EIF2S3: variants seen among roughly 807,000 people sequenced by gnomAD.
EIF2S3 encodes eukaryotic translation initiation factor 2 subunit 3.
In EIF2S3, 2 loss-of-function variants were observed where a neutral mutation model predicts 31.7. The ratio of observed to expected loss-of-function variants is 0.06; its 90% CI spans 0.03 to 0.20. The LOEUF is 0.20. EIF2S3 is among the 10% of genes least tolerant of loss of function. The probability of loss-of-function intolerance (pLI) is 1.00; values close to 1 mark genes in which losing one functional copy is unlikely to be tolerated. For synonymous variants in EIF2S3, 120 were observed against 126.7 expected (o/e 0.95, Z 0.36); for missense variants, 96 against 359.3 (o/e 0.27, Z 5.92).
chrX:24,055,577 G>T, intron 1 of EIF2S3, 38 bp from the exon 2 acceptor site: 1 of 1,185,097 alleles, frequency 8.4e-7, no homozygotes, highest in Non-Finnish European at 1.1e-6. Context: ...GTTCTCATTT[G>T]TTTTACGTGC....
At chrX:24,062,926 T>G (rs1048036662) in intron 6 of EIF2S3, among the ~76,000 whole-genome samples, 1 of 112,070 alleles carries the variant, frequency 8.9e-6, no homozygotes, top group Non-Finnish European at 1.9e-5. Flanking sequence ...CTTTCAGATT[T>G]GGAAGTGACA....
chrX:24,074,862 CTTTTT>C (rs758813480), intron 11 of EIF2S3, among the ~76,000 whole-genome samples: 14 of 47,473 alleles, frequency 2.9e-4, no homozygotes, highest in East Asian at 5.4e-4. Context: ...TTTTCTTCTT[CTTTTT>C]TTTTTTTTTT....
intron 2 of EIF2S3, among the ~76,000 whole-genome samples, chrX:24,057,097 C>G (rs1299868825): frequency 8.9e-6 from 1 of 112,640 alleles, no homozygotes; most frequent in Non-Finnish European, 1.9e-5. Context: ...GTGGCACGAT[C>G]TCGGCTCACT....
At chrX:24,062,209 A>G (rs1472815173) in intron 5 of EIF2S3, among the ~76,000 whole-genome samples, 3 of 110,662 alleles carry the variant, frequency 2.7e-5, no homozygotes, top group African/African-American at 9.9e-5. Context: ...TTGTCATTTC[A>G]CCACTATCTA....
Position 24,076,533 on chromosome X carries a change from G to GA in EIF2S3, c.1356-183dup, listed in dbSNP as rs772479099. Among the ~76,000 whole-genome samples the GA allele has an allele frequency of 1.6e-4, 18 of 111,767 alleles. No individual in the cohort carries two copies. In the East Asian group the frequency reaches 4.7e-3, roughly 29 times the overall value. ...TGGGTGACAGAGTGAGACTGTCTCA[G>GA]AAAAAACACACAAAAGCAAGAATAA... is the stretch of plus-strand genomic sequence containing the variant. On this transcript the variant is annotated intron_variant, in intron 11 of 11. Transcript: ENST00000253039.
rs1392018526 is a variant in EIF2S3, at chrX:24,074,542, GATGTAGC to G, written c.1355+1282_1355+1288del. On this transcript the variant is annotated intron_variant, in intron 11 of 11. Transcript: ENST00000253039. Reference sequence around the variant, plus strand: ...CTGATCATTGAATCCCACACCCCTGGATGTAGCATCCACTGATGATTCTTGCCTGAAT... The same window carrying G: ...CTGATCATTGAATCCCACACCCCTGGATCCACTGATGATTCTTGCCTGAAT... 3.6e-5 allele frequency among the ~76,000 whole-genome samples: 4 copies of G among 111,385 alleles called. No individual in the cohort carries two copies. In the Admixed American group the frequency reaches 3.9e-4, roughly 11 times the overall value.
chrX:24,071,684 G>T lies in EIF2S3; in HGVS notation c.1139G>T (p.Arg380Leu). Reference protein sequence around the residue: ...ELEISYFLLRRLLGVRTEGDK... With the variant: ...ELEISYFLLRLLLGVRTEGDK... ...GAAATTTCCTATTTCCTGCTTAGAC[G>T]GCTTCTAGGTGTACGCACTGAAGGA... Residue 380 changes from arginine (R) to leucine (L), a missense_variant, in exon 10 of 12, where the codon CGG becomes CTG. Around this residue, in one of 5 missense-constraint regions of EIF2S3, gnomAD observed 10 missense variants for 118.9 expected, o/e 0.08. Coordinates refer to ENST00000253039, the MANE Select transcript of EIF2S3 (RefSeq NM_001415.4). The T allele has an allele frequency of 8.3e-7, 1 of 1,210,783 alleles. No homozygotes were observed. The highest frequency in any genetic ancestry group is 1.1e-6 in the Non-Finnish European group (1 of 895,290).
At chrX:24,058,727 T>A (rs1488706253) in intron 4 of EIF2S3, among the ~76,000 whole-genome samples, 1 of 108,316 alleles carries the variant, frequency 9.2e-6, no homozygotes, top group Non-Finnish European at 1.9e-5. Flanking sequence ...TATTTATTTA[T>A]TTTTGAGACG....
At chrX:24,075,449 A>G (rs1930739807) in intron 11 of EIF2S3, among the ~76,000 whole-genome samples, 1 of 111,200 alleles carries the variant, frequency 9.0e-6, no homozygotes, top group Admixed American at 9.7e-5. Flanking sequence ...ATCACAGTCC[A>G]TACCACCATC....
intron 4 of EIF2S3, among the ~76,000 whole-genome samples, chrX:24,058,343 T>G (rs1165255173): frequency 9.0e-6 from 1 of 111,257 alleles, no homozygotes; most frequent in Non-Finnish European, 1.9e-5. Flanking sequence ...GATAAATATT[T>G]TAATGCAGTG....
At chrX:24,074,420 A>G (rs1930718530) in intron 11 of EIF2S3, among the ~76,000 whole-genome samples, 1 of 111,919 alleles carries the variant, frequency 8.9e-6, no homozygotes, top group Non-Finnish European at 1.9e-5. Context: ...TATGTAGTCA[A>G]GATGTTGTCC....
intron 2 of EIF2S3, among the ~76,000 whole-genome samples, chrX:24,056,810 G>C (rs1224878105): frequency 8.9e-6 from 1 of 111,997 alleles, no homozygotes; most frequent in African/African-American, 3.2e-5. Context: ...AGTGAGCTGT[G>C]ATCAGGGCAT....
chrX:24,066,133 T>TC (rs750441741), intron 8 of EIF2S3, 41 bp downstream of exon 8: 8 of 982,864 alleles, frequency 8.1e-6, no homozygotes, highest in Non-Finnish European at 8.3e-6. Context: ...GGTTTTTTTT[T>TC]TTTGTTGTTT....
At chrX:24,062,255 C>T (rs775747314) in intron 5 of EIF2S3, among the ~76,000 whole-genome samples, 161 bp from the exon 6 acceptor site, 43 of 110,985 alleles carry the variant, frequency 3.9e-4, no homozygotes, top group Middle Eastern at 9.2e-3. Context: ...TTTGTATCAC[C>T]GCAAAAGGAA....
chrX:24,058,131 C>G (rs992791673), intron 4 of EIF2S3, among the ~76,000 whole-genome samples: 1 of 111,910 alleles, frequency 8.9e-6, no homozygotes, highest in African/African-American at 3.2e-5. Context: ...CATCTGTTTT[C>G]TGAATATGAT....
intron 10 of EIF2S3, among the ~76,000 whole-genome samples, chrX:24,072,686 T>C (rs958325258): frequency 5.4e-5 from 6 of 111,208 alleles, no homozygotes; most frequent in Admixed American, 9.6e-5. Flanking sequence ...CATGCTTTTT[T>C]TTCCCCCCAC....
intron 8 of EIF2S3, 106 bp downstream of exon 8, chrX:24,066,198 T>C (rs892293255): frequency 1.8e-5 from 10 of 541,397 alleles, no homozygotes; most frequent in African/African-American, 4.8e-5. Flanking sequence ...ACAATCCAAA[T>C]TGAAAAATAA....
rs1258888671 is a variant in EIF2S3, at chrX:24,077,757, A to AT, written c.*979dup. Reference sequence around the variant, plus strand: ...CTCCCTCTCCCTGTGATGCCTTGAGATTTTTTTCTGCGTTGTTTAATGCCT... The same window carrying AT: ...CTCCCTCTCCCTGTGATGCCTTGAGATTTTTTTTCTGCGTTGTTTAATGCCT... On this transcript the variant is annotated 3_prime_UTR_variant, in exon 12 of 12. Transcript: ENST00000253039. 2.7e-5 allele frequency: 3 copies of AT among 111,532 alleles called. No individual in the cohort carries two copies. The highest frequency in any genetic ancestry group is 3.8e-5 in the Non-Finnish European group (2 of 53,121). The allele number at this position is 111,532 out of a possible 1,213,427, so 9.2% of individuals were successfully genotyped here.
chrX:24,057,239 C>T (rs1209541447), intron 2 of EIF2S3, among the ~76,000 whole-genome samples, 182 bp from the exon 3 acceptor site: 2 of 112,480 alleles, frequency 1.8e-5, no homozygotes, highest in East Asian at 2.8e-4. Flanking sequence ...CCATGTTGGC[C>T]AGGATGGTCT....
Sources: allele counts gnomAD v4.1 joint callset (sites outside exome capture counted in the v4.1 genomes callset), GRCh38; gene constraint gnomAD v4.1.1; regional missense constraint gnomAD v4.1.1; transcripts MANE v1.5; gene names NCBI Gene and HGNC (gene_info 2026-07-23, HGNC 2026-07-21).